Variants in CDYL2 observed in about 807,000 individuals in gnomAD.
The protein encoded by CDYL2 is chromodomain Y-like protein 2.
In CDYL2, 23 loss-of-function variants were observed where a neutral mutation model predicts 49.4. That is an observed-to-expected ratio of 0.47 (90% CI 0.34 to 0.66). The LOEUF is 0.66. Among genes scored for constraint, CDYL2 ranks in the 30% least tolerant of loss-of-function variants. The probability of loss-of-function intolerance (pLI) is 0.01; values close to 1 mark genes in which losing one functional copy is unlikely to be tolerated. For missense variants in CDYL2, 678 were observed against 656.4 expected (o/e 1.03, Z -0.36); for synonymous variants, 360 against 268.8 (o/e 1.34, Z -3.32).
At chr16:80,678,150 T>C (rs1347035339) in intron 2 of CDYL2, among the ~76,000 whole-genome samples, 2 of 152,148 alleles carry the variant, frequency 1.3e-5, no homozygotes, top group Non-Finnish European at 2.9e-5. Context: ...CCTAAAACCA[T>C]AAAAACCCTA....
At chr16:80,690,132 A>G (rs1199331325) in intron 1 of CDYL2, among the ~76,000 whole-genome samples, 1 of 150,374 alleles carries the variant, frequency 6.7e-6, no homozygotes, top group African/African-American at 2.5e-5. Flanking sequence ...AAAATAAAAA[A>G]AAAATAAAAA....
intron 4 of CDYL2, among the ~76,000 whole-genome samples, chr16:80,620,005 C>T (rs1907005964): frequency 6.6e-6 from 1 of 152,202 alleles, no homozygotes; most frequent in Non-Finnish European, 1.5e-5. Context: ...TGTTCCTTCT[C>T]ATGTGACCAG....
chr16:80,715,143 C>G (rs546142667), intron 1 of CDYL2, among the ~76,000 whole-genome samples: 64 of 152,210 alleles, frequency 4.2e-4, no homozygotes, highest in African/African-American at 1.3e-3. Flanking sequence ...AGCAGAACTT[C>G]GACCCAAGCC....
At chr16:80,676,422 C>G (rs532766000) in intron 2 of CDYL2, among the ~76,000 whole-genome samples, 5 of 152,080 alleles carry the variant, frequency 3.3e-5, no homozygotes, top group African/African-American at 1.2e-4. Context: ...GAGGCTGCCC[C>G]GGGAACACCC....
rs35721003 is a variant in CDYL2, at chr16:80,661,991, C to T, written c.616+22547G>A. Among the ~76,000 whole-genome samples the T allele has an allele frequency of 7.0e-3, 1,061 of 152,298 alleles. 5 individuals carry two copies. The highest frequency in any genetic ancestry group is 0.014 in the Middle Eastern group (4 of 294). ...AACTCACTCCAGCAATCACAACATA[C>T]CCCACGCCAAATTCTTAATAATGTT... is the stretch of plus-strand genomic sequence containing the variant. On this transcript the variant is annotated intron_variant, in intron 2 of 6. Coordinates refer to ENST00000570137, the MANE Select transcript of CDYL2 (RefSeq NM_152342.4).
intron 1 of CDYL2, among the ~76,000 whole-genome samples, chr16:80,719,864 G>C (rs556783343): frequency 1.1e-4 from 16 of 152,182 alleles, no homozygotes; most frequent in Non-Finnish European, 2.2e-4. Flanking sequence ...AGACATTGTT[G>C]GGACCTGCCT....
chr16:80,770,722 T>G (rs1906877693), intron 1 of CDYL2, among the ~76,000 whole-genome samples: 2 of 152,142 alleles, frequency 1.3e-5, no homozygotes, highest in Admixed American at 1.3e-4. Context: ...TTTTTTAAAA[T>G]AAGACATACA....
At chr16:80,642,196 A>G (rs571345524) in intron 2 of CDYL2, among the ~76,000 whole-genome samples, 1 of 152,276 alleles carries the variant, frequency 6.6e-6, no homozygotes, top group African/African-American at 2.4e-5. Context: ...TAATCCCAGC[A>G]CTTTGGGAGG....
At chr16:80,747,823 G>C (rs780732446) in intron 1 of CDYL2, among the ~76,000 whole-genome samples, 2 of 152,016 alleles carry the variant, frequency 1.3e-5, no homozygotes, top group Admixed American at 1.3e-4. Context: ...CCTATTTATG[G>C]CTTCCTCTGG....
intron 3 of CDYL2, among the ~76,000 whole-genome samples, chr16:80,625,711 G>A (rs1456913253): frequency 1.3e-5 from 2 of 152,054 alleles, no homozygotes; most frequent in African/African-American, 4.8e-5. Context: ...TACATCCAGA[G>A]GAAAAAGAAA....
chr16:80,733,597 G>C (rs559689184), intron 1 of CDYL2, among the ~76,000 whole-genome samples: 1 of 152,164 alleles, frequency 6.6e-6, no homozygotes, highest in Non-Finnish European at 1.5e-5. Flanking sequence ...GCCTGAGCAA[G>C]AGGAAATGAA....
At chr16:80,803,621 G>A (rs1907997210) in intron 1 of CDYL2, among the ~76,000 whole-genome samples, 1 of 117,642 alleles carries the variant, frequency 8.5e-6, no homozygotes, top group Non-Finnish European at 1.8e-5. Flanking sequence ...AGCCCCCCGG[G>A]ACCCCGCCTC....
At chr16:80,733,315 C>T (rs755221878) in intron 1 of CDYL2, among the ~76,000 whole-genome samples, 14 of 152,186 alleles carry the variant, frequency 9.2e-5, no homozygotes, top group African/African-American at 1.7e-4. Flanking sequence ...GGCTGGGGAG[C>T]GGTCAGGGAT....
chr16:80,643,103 G>C (rs895204639), intron 2 of CDYL2, among the ~76,000 whole-genome samples: 7 of 152,144 alleles, frequency 4.6e-5, no homozygotes, highest in African/African-American at 1.2e-4. Flanking sequence ...CAGACACAAG[G>C]GGGGTACAGG....
intron 1 of CDYL2, among the ~76,000 whole-genome samples, chr16:80,771,832 A>G (rs901028149): frequency 6.6e-5 from 10 of 152,218 alleles, no homozygotes; most frequent in African/African-American, 2.4e-4. Flanking sequence ...AAGACAAACT[A>G]GACACTAGAA....
chr16:80,626,275 TAAA>T (rs11358031), intron 3 of CDYL2, among the ~76,000 whole-genome samples: 7 of 92,288 alleles, frequency 7.6e-5, no homozygotes, highest in African/African-American at 1.2e-4. Context: ...AAATCCCATC[TAAA>T]AAAAAAAAAA....
chr16:80,647,009 G>C (rs1266757379), intron 2 of CDYL2, among the ~76,000 whole-genome samples: 1 of 151,746 alleles, frequency 6.6e-6, no homozygotes, highest in South Asian at 2.1e-4. Flanking sequence ...AAGATAAAGA[G>C]GGTCATTATA....
chr16:80,729,115 G>A (rs556433007), intron 1 of CDYL2, among the ~76,000 whole-genome samples: 1 of 152,156 alleles, frequency 6.6e-6, no homozygotes, highest in South Asian at 2.1e-4. Context: ...AACTTTAAAT[G>A]TAAATGGACT....
At chr16:80,800,371 A>G (rs1333278392) in intron 1 of CDYL2, among the ~76,000 whole-genome samples, 1 of 152,218 alleles carries the variant, frequency 6.6e-6, no homozygotes, top group Non-Finnish European at 1.5e-5. Flanking sequence ...GCAAAGCTCA[A>G]TGTGGACACG....
Sources: allele counts gnomAD v4.1 joint callset (sites outside exome capture counted in the v4.1 genomes callset), GRCh38; gene constraint gnomAD v4.1.1; transcripts MANE v1.5; gene names NCBI Gene and HGNC (gene_info 2026-07-23, HGNC 2026-07-21).